Variants in CCDC91 observed in about 807,000 individuals in gnomAD.
CCDC91 encodes the protein coiled-coil domain containing 91.
CCDC91 carries 48 observed loss-of-function variants against 63.2 expected under a neutral mutation model. The ratio of observed to expected loss-of-function variants is 0.76; its 90% confidence interval spans 0.60 to 0.97. The LOEUF (loss-of-function observed/expected upper bound fraction) is 0.97. Among genes scored for constraint, CCDC91 ranks in the 50% least tolerant of loss-of-function variants. The pLI is 0.00. For missense variants in CCDC91, 500 were observed against 494.6 expected (o/e 1.01, Z -0.10); for synonymous variants, 167 against 165.8 (o/e 1.01, Z -0.06).
intron 7 of CCDC91, among the ~76,000 whole-genome samples, chr12:28,385,178 G>T (rs1907692): frequency 0.41 from 62,043 of 151,904 alleles, 12,981 homozygotes; most frequent in Middle Eastern, 0.49. Flanking sequence ...TAAATAATTT[G>T]TGATATTTTT....
chr12:28,317,143 T>C (rs1939978832), intron 6 of CCDC91, among the ~76,000 whole-genome samples: 1 of 152,008 alleles, frequency 6.6e-6, no homozygotes, highest in Non-Finnish European at 1.5e-5. Context: ...ATACACGTTT[T>C]GGGACTATTG....
chr12:28,525,793 A>G (rs933437465), intron 12 of CCDC91, among the ~76,000 whole-genome samples: 26 of 151,936 alleles, frequency 1.7e-4, no homozygotes, highest in Non-Finnish European at 7.4e-5. Context: ...CCAAATTTAT[A>G]TATTTATGAT....
chr12:28,375,617 C>T (rs1944898099), intron 7 of CCDC91, among the ~76,000 whole-genome samples: 2 of 151,886 alleles, frequency 1.3e-5, no homozygotes, highest in South Asian at 4.1e-4. Flanking sequence ...TAATTTTTTT[C>T]TCTTATGTCA....
intron 1 of CCDC91, among the ~76,000 whole-genome samples, chr12:28,191,545 G>A (rs1281370779): frequency 6.6e-6 from 1 of 152,150 alleles, no homozygotes; most frequent in Non-Finnish European, 1.5e-5. Flanking sequence ...GGAGTTGGAT[G>A]ATGGTTTTTG....
intron 8 of CCDC91, among the ~76,000 whole-genome samples, chr12:28,396,726 ATATAAG>A (rs1946320343): frequency 6.6e-6 from 1 of 151,896 alleles, no homozygotes; most frequent in Non-Finnish European, 1.5e-5. Flanking sequence ...TATTTTATAT[ATATAAG>A]TATGTTTTTA....
Position 28,334,825 on chromosome 12 carries a change from T to C in CCDC91, c.576+27076T>C, listed in dbSNP as rs1485023703. Among the ~76,000 whole-genome samples, 4 of 151,938 alleles carry C rather than the reference T, an allele frequency of 2.6e-5. No homozygotes were observed. In the East Asian group the frequency reaches 5.8e-4, roughly 22 times the overall value. On this transcript the variant is annotated intron_variant, in intron 6 of 12. Transcript: ENST00000536442. ...GCACCAAACCAACCAAACATAACAGTAACAATCCTCATATCCAAATAGACA... is the reference window on the plus strand; with the variant it reads ...GCACCAAACCAACCAAACATAACAGCAACAATCCTCATATCCAAATAGACA...
chr12:28,508,338 C>T (rs1238912739), intron 12 of CCDC91, among the ~76,000 whole-genome samples: 2 of 151,710 alleles, frequency 1.3e-5, no homozygotes, highest in Non-Finnish European at 2.9e-5. Context: ...GTTCTTTTTT[C>T]TGGACTCCTC....
At chr12:28,367,933 C>A (rs1944379283) in intron 7 of CCDC91, among the ~76,000 whole-genome samples, 1 of 152,164 alleles carries the variant, frequency 6.6e-6, no homozygotes. Context: ...AGGATTCTGC[C>A]AATAGACTGC....
At chr12:28,375,160 C>T (rs1361852989) in intron 7 of CCDC91, among the ~76,000 whole-genome samples, 1 of 151,410 alleles carries the variant, frequency 6.6e-6, no homozygotes, top group Admixed American at 6.6e-5. Context: ...TTAGTTTCTT[C>T]TTCAGTAAGT....
At chr12:28,278,494 T>C (rs1016677564) in intron 3 of CCDC91, among the ~76,000 whole-genome samples, 6 of 152,034 alleles carry the variant, frequency 3.9e-5, no homozygotes, top group African/African-American at 1.4e-4. Context: ...CTTTTACTGT[T>C]CCACACTTGA....
intron 12 of CCDC91, among the ~76,000 whole-genome samples, chr12:28,544,545 T>G (rs181484136): frequency 2.0e-5 from 3 of 152,214 alleles, no homozygotes; most frequent in Non-Finnish European, 1.5e-5. Context: ...TTCACATTTC[T>G]TAGTGTATTT....
At chr12:28,352,309 G>A (rs1943235109) in intron 6 of CCDC91, among the ~76,000 whole-genome samples, 1 of 152,134 alleles carries the variant, frequency 6.6e-6, no homozygotes, top group African/African-American at 2.4e-5. Flanking sequence ...CTATAATGAA[G>A]TTTGCTGCAT....
chr12:28,277,465 A>C (rs1948316582), intron 3 of CCDC91, among the ~76,000 whole-genome samples: 1 of 152,092 alleles, frequency 6.6e-6, no homozygotes, highest in Non-Finnish European at 1.5e-5. Flanking sequence ...TGAACATCCC[A>C]AATCCAAAAA....
intron 6 of CCDC91, among the ~76,000 whole-genome samples, chr12:28,341,124 C>G (rs1299034604): frequency 6.6e-6 from 1 of 152,198 alleles, no homozygotes. Flanking sequence ...TGCTTTTCCA[C>G]TGGCGTCCTC....
At chr12:28,413,902 T>C (rs1013791232) in intron 8 of CCDC91, among the ~76,000 whole-genome samples, 2 of 152,236 alleles carry the variant, frequency 1.3e-5, no homozygotes, top group African/African-American at 2.4e-5. Context: ...GCAAGAAATA[T>C]GTTTCACTTT....
At chr12:28,362,288 A>G in intron 6 of CCDC91, 150 bp from the exon 7 acceptor site, 2 of 454,468 alleles carry the variant, frequency 4.4e-6, no homozygotes, top group Non-Finnish European at 4.0e-6. Context: ...CTTTATATAT[A>G]TATATATGTT....
intron 3 of CCDC91, among the ~76,000 whole-genome samples, chr12:28,297,354 A>C (rs1193578737): frequency 6.6e-6 from 1 of 151,660 alleles, no homozygotes; most frequent in East Asian, 1.9e-4. Flanking sequence ...TCATGTTTTG[A>C]CATAGTTAGC....
At chr12:28,430,305 C>T (rs771146894) in intron 8 of CCDC91, among the ~76,000 whole-genome samples, 2 of 151,966 alleles carry the variant, frequency 1.3e-5, no homozygotes, top group Non-Finnish European at 2.9e-5. Flanking sequence ...TTACAAACTT[C>T]AAGGTAATAT....
At chr12:28,466,646 A>C (rs528973849) in intron 11 of CCDC91, among the ~76,000 whole-genome samples, 4 of 152,114 alleles carry the variant, frequency 2.6e-5, no homozygotes, top group Non-Finnish European at 5.9e-5. Context: ...AGGAGGAATA[A>C]ATGCTTTCTC....
Sources: gnomAD v4.1 joint callset for allele counts (sites outside exome capture counted in the v4.1 genomes callset) on GRCh38, gnomAD v4.1.1 for gene constraint, MANE v1.5 for transcripts, NCBI Gene and HGNC (gene_info 2026-07-23, HGNC 2026-07-21) for gene names.